SV2C: variants seen among roughly 807,000 people sequenced by gnomAD.
SV2C encodes the protein solute carrier family 22 member B3.
SV2C carries 49 observed loss-of-function variants against 79.7 expected under a neutral mutation model. The observed-to-expected ratio is 0.61, with a 90% confidence interval of 0.49 to 0.78. The LOEUF (loss-of-function observed/expected upper bound fraction) is 0.78. SV2C is among the 30% of genes least tolerant of loss of function. SV2C has a pLI of 0.00. For synonymous variants in SV2C, 334 were observed against 333.2 expected, an observed-to-expected ratio of 1.00 and a Z score of -0.03; for missense variants, 833 against 912.9, an observed-to-expected ratio of 0.91 and a Z score of 1.13.
chr5:76,288,741 T>C (rs1268289648), intron 6 of SV2C, among the ~76,000 whole-genome samples: 1 of 152,230 alleles, frequency 6.6e-6, no homozygotes, highest in African/African-American at 2.4e-5. Context: ...CCAAAAGTGA[T>C]TGATAATTTC....
the SV2C span, among the ~76,000 whole-genome samples, chr5:75,914,758 T>C: frequency 6.6e-6 from 1 of 152,256 alleles, no homozygotes; most frequent in African/African-American, 2.4e-5. Context: ...GTGGTTTCTA[T>C]TATTACAGCC....
intron 2 of SV2C, among the ~76,000 whole-genome samples, chr5:76,194,442 TA>T (rs1372566568): frequency 2.0e-5 from 3 of 152,188 alleles, no homozygotes; most frequent in Non-Finnish European, 4.4e-5. Context: ...GCTGCACTTA[TA>T]CATTCTCTAA....
At chr5:76,082,446 C>T (rs1747019564), upstream of SV2C, 1 of 151,842 alleles carries the variant, frequency 6.6e-6, no homozygotes, top group South Asian at 2.1e-4. Context: ...AAGCAAAATT[C>T]TCTCTCCTGC....
At chr5:76,084,470 GCGGAATA>G (rs1747105134) in intron 1 of SV2C, among the ~76,000 whole-genome samples, 1 of 151,774 alleles carries the variant, frequency 6.6e-6, no homozygotes, top group Non-Finnish European at 1.5e-5. Context: ...CACGGGGACT[GCGGAATA>G]CGGGGATGAA....
intron 1 of SV2C, among the ~76,000 whole-genome samples, chr5:76,085,154 G>A (rs1747141922): frequency 6.6e-6 from 1 of 152,162 alleles, no homozygotes; most frequent in South Asian, 2.1e-4. Flanking sequence ...ATTTTCCATG[G>A]CAAGTTCCGA....
the SV2C span, among the ~76,000 whole-genome samples, chr5:76,073,214 T>C: frequency 2.6e-5 from 4 of 152,182 alleles, no homozygotes; most frequent in Non-Finnish European, 4.4e-5. Context: ...AGAATTTGTA[T>C]GGTTTCAGGT....
chr5:75,888,464 A>G, the SV2C span, among the ~76,000 whole-genome samples: 2 of 152,002 alleles, frequency 1.3e-5, no homozygotes, highest in Non-Finnish European at 2.9e-5. Context: ...TTTTGGCCAC[A>G]GAGGCATTTC....
intron 4 of SV2C, among the ~76,000 whole-genome samples, chr5:76,224,848 A>G (rs763027315): frequency 6.6e-6 from 1 of 152,100 alleles, no homozygotes; most frequent in Non-Finnish European, 1.5e-5. Flanking sequence ...GCCAAACTTT[A>G]TTTTTTTACA....
intron 1 of SV2C, among the ~76,000 whole-genome samples, chr5:76,105,875 C>T (rs562406113): frequency 1.2e-3 from 177 of 151,942 alleles, no homozygotes; most frequent in Admixed American, 2.0e-3. Context: ...TCCTGTGATC[C>T]GGGGAGCAAT....
At chr5:75,852,188 T>G in the SV2C span, among the ~76,000 whole-genome samples, 7 of 152,116 alleles carry the variant, frequency 4.6e-5, no homozygotes, top group Non-Finnish European at 1.0e-4. Flanking sequence ...GGGGGAGGGA[T>G]AGCATTAGGA....
the SV2C span, among the ~76,000 whole-genome samples, chr5:76,020,793 T>C: frequency 2.0e-5 from 3 of 152,170 alleles, no homozygotes; most frequent in Non-Finnish European, 2.9e-5. Flanking sequence ...TGGGACAAGA[T>C]GGGTTAAGAA....
At chr5:76,309,302 T>G (rs2112539755) in intron 12 of SV2C, among the ~76,000 whole-genome samples, 1 of 152,060 alleles carries the variant, frequency 6.6e-6, no homozygotes, top group Middle Eastern at 3.4e-3. Context: ...GTTAAGACAC[T>G]TAAGTTGTAG....
the SV2C span, among the ~76,000 whole-genome samples, chr5:76,066,143 G>A: frequency 6.6e-6 from 1 of 152,000 alleles, no homozygotes; most frequent in Admixed American, 6.6e-5. Context: ...AAAGACACAT[G>A]CACACGTATG....
chr5:75,850,996 TTC>T, the SV2C span, among the ~76,000 whole-genome samples: 2 of 152,162 alleles, frequency 1.3e-5, no homozygotes, highest in Non-Finnish European at 2.9e-5. Flanking sequence ...CTTATCTGCT[TTC>T]TCTTTTTGCT....
At chr5:75,927,232 T>C in the SV2C span, among the ~76,000 whole-genome samples, 1 of 152,070 alleles carries the variant, frequency 6.6e-6, no homozygotes, top group Admixed American at 6.6e-5. Context: ...AGCCGAAATA[T>C]GGAAACAACC....
At chr5:76,319,393 G>A (rs912489406) in intron 12 of SV2C, among the ~76,000 whole-genome samples, 1 of 152,064 alleles carries the variant, frequency 6.6e-6, no homozygotes, top group African/African-American at 2.4e-5. Context: ...ACTCCAGCCT[G>A]GGCCACAGAG....
chr5:76,140,483 G>A (rs1490602635), intron 2 of SV2C, among the ~76,000 whole-genome samples: 1 of 152,256 alleles, frequency 6.6e-6, no homozygotes, highest in East Asian at 1.9e-4. Flanking sequence ...AGCTGGGTCT[G>A]AAAACAACAG....
intron 4 of SV2C, among the ~76,000 whole-genome samples, chr5:76,247,120 G>C (rs558935681): frequency 6.6e-6 from 1 of 152,202 alleles, no homozygotes; most frequent in Non-Finnish European, 1.5e-5. Context: ...TAGCCCCAGA[G>C]TGTCCTAGTT....
chr5:75,896,342 C>A, the SV2C span, among the ~76,000 whole-genome samples: 1 of 151,652 alleles, frequency 6.6e-6, no homozygotes, highest in Non-Finnish European at 1.5e-5. Context: ...CGATAGTTTA[C>A]TGAGAATGCT....
Sources: gnomAD v4.1 joint callset for allele counts (sites outside exome capture counted in the v4.1 genomes callset) on GRCh38, gnomAD v4.1.1 for gene constraint, MANE v1.5 for transcripts, NCBI Gene and HGNC (gene_info 2026-07-23, HGNC 2026-07-21) for gene names.